The following PAX7 variants were observed in gnomAD, a reference collection of about 807,000 sequenced individuals.
The protein encoded by PAX7 is paired box protein Pax-7.
A neutral mutation model predicts 50.7 loss-of-function variants in PAX7; 18 were observed. That is an observed-to-expected ratio of 0.36 (90% confidence interval 0.25 to 0.53). PAX7 has a LOEUF of 0.53. Among genes scored for constraint, PAX7 ranks in the 20% least tolerant of loss-of-function variants. The probability of loss-of-function intolerance (pLI) is 0.93; values close to 1 mark genes in which losing one functional copy is unlikely to be tolerated. For missense variants in PAX7, 644 were observed against 702.9 expected (o/e 0.92, Z 0.95); for synonymous variants, 310 against 290.4 (o/e 1.07, Z -0.69).
intron 7 of PAX7, among the ~76,000 whole-genome samples, chr1:18,705,193 C>T (rs1162640201): frequency 1.3e-5 from 2 of 152,230 alleles, no homozygotes; most frequent in Admixed American, 6.5e-5. Context: ...GCCTGTCGGC[C>T]AGAATGTCTT....
At chr1:18,701,402 G>A (rs1438083722) in intron 6 of PAX7, among the ~76,000 whole-genome samples, 3 of 148,752 alleles carry the variant, frequency 2.0e-5, no homozygotes, top group Admixed American at 2.0e-4. Flanking sequence ...GTGTGCATGA[G>A]TGTGTGCGTA....
rs747137038 is a variant in PAX7, at chr1:18,649,085, G to C, written c.586+12714G>C. Among the ~76,000 whole-genome samples, 30 of 152,316 alleles carry C rather than the reference G, an allele frequency of 2.0e-4. 1 individual carries two copies. The South Asian group carries it at 4.6e-3, about 23-fold the overall frequency. ...GCTGAGATTACAAAGGGTGGAGTCA[G>C]ACTCAAACAGGCCTTAGAGGTCATC... On this transcript the variant is annotated intron_variant, in intron 4 of 8. Transcript: ENST00000420770.
At position 18,742,244 on chromosome 1, in the gene PAX7, G is replaced by A. The variant is rs576466833; in HGVS notation, c.1403-2570G>A. 5.8e-5 allele frequency among the ~76,000 whole-genome samples: 8 copies of A among 137,010 alleles called. No individual in the cohort carries two copies. The South Asian group carries it at 1.2e-3, about 21-fold the overall frequency. The allele number at this position is 137,010 out of a possible 152,430, so 89.9% of individuals were successfully genotyped here. On this transcript the variant is annotated intron_variant, in intron 8 of 8. Transcript: ENST00000420770. Reference sequence around the variant, plus strand: ...GCGATCTTGGCTCACTGCAAGCTCCGCCTCCCAGGTTCATGACATTCTCCT... The same window carrying A: ...GCGATCTTGGCTCACTGCAAGCTCCACCTCCCAGGTTCATGACATTCTCCT...
rs1931421770 is a variant in PAX7, at chr1:18,745,950, G to C, written c.*1021G>C. On this transcript the variant is annotated 3_prime_UTR_variant, in exon 9 of 9. Transcript: ENST00000420770. ...TGCCCAAGGCTTCAGCTCTCTGCCT[G>C]CAAGTCCACACCCCAGGGAGTTGAG... The C allele has an allele frequency of 8.6e-6, 2 of 231,404 alleles. No homozygotes were observed. Among genetic ancestry groups the C allele is most frequent in the African/African-American group, 4.4e-5 (2 of 45,254 alleles). The allele number at this position is 231,404 out of a possible 1,614,324, so 14.3% of individuals were successfully genotyped here. A position where few individuals can be genotyped will look rare whatever the true frequency, so the allele number is the denominator to read the frequency against.
intron 4 of PAX7, among the ~76,000 whole-genome samples, chr1:18,657,860 A>T (rs1250932794): frequency 6.6e-6 from 1 of 152,152 alleles, no homozygotes; most frequent in African/African-American, 2.4e-5. Flanking sequence ...AAATGAGAAC[A>T]TCAGCTATTG....
At chr1:18,691,225 T>G (rs2089065349) in intron 4 of PAX7, among the ~76,000 whole-genome samples, 1 of 152,198 alleles carries the variant, frequency 6.6e-6, no homozygotes, top group Admixed American at 6.5e-5. Context: ...GCAATCCTCC[T>G]GCCTCAGCCT....
intron 4 of PAX7, among the ~76,000 whole-genome samples, chr1:18,684,676 C>G (rs915307926): frequency 6.6e-6 from 1 of 152,250 alleles, no homozygotes; most frequent in Non-Finnish European, 1.5e-5. Flanking sequence ...CTGGCCCACA[C>G]TCGCCAGCTC....
intron 4 of PAX7, among the ~76,000 whole-genome samples, chr1:18,646,749 C>T (rs112533514): frequency 4.0e-5 from 6 of 151,744 alleles, no homozygotes; most frequent in Non-Finnish European, 8.8e-5. Context: ...GGGCCGAGGC[C>T]CCGGCCTAAT....
At chr1:18,661,259 G>T (rs183414772) in intron 4 of PAX7, among the ~76,000 whole-genome samples, 3 of 152,248 alleles carry the variant, frequency 2.0e-5, no homozygotes, top group African/African-American at 7.2e-5. Context: ...AGGAGTAGGG[G>T]GCATAGGGGC....
chr1:18,649,450 G>C (rs969299949), intron 4 of PAX7, among the ~76,000 whole-genome samples: 2 of 152,114 alleles, frequency 1.3e-5, no homozygotes, highest in African/African-American at 4.8e-5. Flanking sequence ...GCAGGACTCT[G>C]ACACCTTTGC....
chr1:18,652,645 C>A (rs566533128), intron 4 of PAX7, among the ~76,000 whole-genome samples: 10 of 152,332 alleles, frequency 6.6e-5, no homozygotes, highest in Admixed American at 5.2e-4. Context: ...GAGCTGACTG[C>A]ATATGTGTTA....
rs770129430 is a variant in PAX7, at chr1:18,636,285, A to C, written c.500A>C (p.Lys167Thr). ...SRVLRIKFGK[K>T]EEEDEADKKE... ...GTGCTCAGAATCAAGTTCGGGAAGA[A>C]AGAGGAGGAGGATGAAGCGGACAAG... The change falls in exon 4 of 9, where the codon AAA (lysine) becomes ACA (threonine). Residue 167 changes from lysine to threonine, a missense_variant. Physicochemically the swap from Lys to Thr is moderately conservative, Grantham distance 78. Coordinates refer to ENST00000420770, the MANE Select transcript of PAX7 (RefSeq NM_001135254.2). The surrounding 1 kb of genome is among the most constrained non-coding windows in gnomAD (Gnocchi z 5.1). 2 of 1,614,224 alleles carry C rather than the reference A, an allele frequency of 1.2e-6. No individual in the cohort carries two copies. Among genetic ancestry groups the C allele is most frequent in the East Asian group, 4.5e-5 (2 of 44,884 alleles).
intron 7 of PAX7, among the ~76,000 whole-genome samples, chr1:18,723,237 TC>T (rs1422302784): frequency 6.6e-6 from 1 of 152,112 alleles, no homozygotes; most frequent in African/African-American, 2.4e-5. Context: ...TTGAGTATGT[TC>T]CCCCCGAGGC....
chr1:18,694,056 G>A (rs988015311), intron 5 of PAX7, among the ~76,000 whole-genome samples: 2 of 152,224 alleles, frequency 1.3e-5, no homozygotes, highest in African/African-American at 4.8e-5. Flanking sequence ...TCCCTCTAGG[G>A]CAGGGCAGGG....
At chr1:18,677,995 A>G (rs1219127047) in intron 4 of PAX7, among the ~76,000 whole-genome samples, 3 of 151,644 alleles carry the variant, frequency 2.0e-5, no homozygotes, top group African/African-American at 7.3e-5. Context: ...GGCAGGAGAA[A>G]TGCTTCAACC....
intron 4 of PAX7, among the ~76,000 whole-genome samples, chr1:18,670,254 G>A (rs977675312): frequency 2.6e-5 from 4 of 152,176 alleles, no homozygotes; most frequent in Non-Finnish European, 5.9e-5. Flanking sequence ...GTAAGTGCCT[G>A]TAGCTTGGTG....
At position 18,707,424 on chromosome 1, in the gene PAX7, T is replaced by C. The variant is rs868807869; in HGVS notation, c.1155+4128T>C. On this transcript the variant is annotated intron_variant, in intron 7 of 8. Coordinates refer to ENST00000420770, the MANE Select transcript of PAX7 (RefSeq NM_001135254.2). The stretch of plus-strand genomic sequence containing the variant: ...TTTTCTTTTTTTCTTTCTTTTTTTT[T>C]TTTTTTTTTTTTTGAGATAGGGTTT... Among the ~76,000 whole-genome samples the C allele has an allele frequency of 3.5e-3, 497 of 143,284 alleles. 5 individuals are homozygous for C. Among genetic ancestry groups the C allele is most frequent in the African/African-American group, 0.011 (438 of 38,906 alleles). The allele number at this position is 143,284 out of a possible 152,430, so 94.0% of individuals were successfully genotyped here. A position where few individuals can be genotyped will look rare whatever the true frequency, so the allele number is the denominator to read the frequency against.
chr1:18,715,695 G>A (rs2089411324), intron 7 of PAX7, among the ~76,000 whole-genome samples: 1 of 152,156 alleles, frequency 6.6e-6, no homozygotes, highest in East Asian at 1.9e-4. Context: ...TTCCCCTTCT[G>A]TAAGGTGAGG....
intron 7 of PAX7, among the ~76,000 whole-genome samples, chr1:18,719,566 G>A (rs1021187712): frequency 2.6e-5 from 4 of 152,236 alleles, no homozygotes; most frequent in African/African-American, 9.6e-5. Context: ...GAGGGCCCTG[G>A]CAAGTGTCTT....
Sources: allele counts gnomAD v4.1 joint callset (sites outside exome capture counted in the v4.1 genomes callset), GRCh38; gene constraint gnomAD v4.1.1; non-coding constraint Gnocchi (gnomAD v3.1); transcripts MANE v1.5; gene names NCBI Gene and HGNC (gene_info 2026-07-23, HGNC 2026-07-21).